PELI2: variants seen among roughly 807,000 people sequenced by gnomAD.
The protein encoded by PELI2 is pellino E3 ubiquitin protein ligase family member 2, also known as E3 ubiquitin-protein ligase pellino homolog 2.
A neutral mutation model predicts 42.3 loss-of-function variants in PELI2; 23 were observed. The ratio of observed to expected loss-of-function variants is 0.54; its 90% CI spans 0.39 to 0.77. The LOEUF (loss-of-function observed/expected upper bound fraction) is 0.77, where lower values mean the gene tolerates loss of function less well. Ranked by LOEUF, PELI2 falls within the 30% of genes least tolerant of loss-of-function variation. PELI2 has a pLI of 0.00. For missense variants in PELI2, 463 were observed against 553.2 expected, an observed-to-expected ratio of 0.84 and a Z score of 1.64; for synonymous variants, 245 against 212.2, an observed-to-expected ratio of 1.15 and a Z score of -1.34.
rs1220218098 is a variant in PELI2, at chr14:56,273,888, G to T, written c.208-5788G>T. On this transcript the variant is annotated intron_variant, in intron 2 of 5. Transcript: ENST00000267460. The surrounding 1 kb of genome is among the most constrained non-coding windows in gnomAD (Gnocchi z 4.3). ...TATTCCAGAGGTCTGGGGACAGGTA[G>T]TTCCACGTTTGATTCAGCATCTCAA... 6.6e-6 allele frequency among the ~76,000 whole-genome samples: 1 copy of T among 152,202 alleles called. No individual in the cohort carries two copies. The highest frequency in any genetic ancestry group is 6.5e-5 in the Admixed American group (1 of 15,274).
At chr14:56,230,451 T>C (rs1385938163) in intron 2 of PELI2, among the ~76,000 whole-genome samples, 2 of 152,204 alleles carry the variant, frequency 1.3e-5, no homozygotes, top group Non-Finnish European at 2.9e-5. Context: ...GTATTCAACA[T>C]TCTTAAAGAA....
chr14:56,207,200 C>G (rs192244716), intron 2 of PELI2, among the ~76,000 whole-genome samples: 46 of 152,202 alleles, frequency 3.0e-4, no homozygotes, highest in African/African-American at 1.1e-3. Flanking sequence ...ACATTGACCA[C>G]AAAGCTGGGA....
At chr14:56,241,687 G>A (rs533797629) in intron 2 of PELI2, among the ~76,000 whole-genome samples, 1 of 152,144 alleles carries the variant, frequency 6.6e-6, no homozygotes, top group Admixed American at 6.5e-5. Context: ...ATAAAGGGGA[G>A]ATAGTAAAAA....
At chr14:56,144,743 T>A (rs918678358) in intron 1 of PELI2, among the ~76,000 whole-genome samples, 6 of 152,230 alleles carry the variant, frequency 3.9e-5, no homozygotes, top group African/African-American at 7.2e-5. Flanking sequence ...ACATGATGAA[T>A]GTAAAATAGC....
intron 1 of PELI2, among the ~76,000 whole-genome samples, chr14:56,123,952 A>C (rs1232038854): frequency 6.6e-6 from 1 of 152,210 alleles, no homozygotes; most frequent in Non-Finnish European, 1.5e-5. Flanking sequence ...TTGAATGGAG[A>C]CAACAGCAAC....
At chr14:56,265,229 A>C (rs916491772) in intron 2 of PELI2, among the ~76,000 whole-genome samples, 12 of 152,150 alleles carry the variant, frequency 7.9e-5, no homozygotes, top group African/African-American at 2.7e-4. Flanking sequence ...CAGTGACTTC[A>C]AGACTTTATT....
chr14:56,229,968 G>A (rs1358551889), intron 2 of PELI2, among the ~76,000 whole-genome samples: 1 of 152,200 alleles, frequency 6.6e-6, no homozygotes, highest in Admixed American at 6.5e-5. Context: ...AGCTTCAGTA[G>A]CTGATTCAAT....
At chr14:56,199,919 G>T (rs566330103) in intron 2 of PELI2, among the ~76,000 whole-genome samples, 1 of 152,290 alleles carries the variant, frequency 6.6e-6, no homozygotes, top group South Asian at 2.1e-4. Context: ...TGTATCTGGG[G>T]TTTACCTTCA....
intron 2 of PELI2, among the ~76,000 whole-genome samples, chr14:56,231,641 T>C (rs1235607110): frequency 1.3e-5 from 2 of 151,912 alleles, no homozygotes; most frequent in Non-Finnish European, 2.9e-5. Context: ...CACTAAATGC[T>C]CACAAGAGAA....
At chr14:56,247,411 G>T (rs193094681) in intron 2 of PELI2, among the ~76,000 whole-genome samples, 107 of 152,306 alleles carry the variant, frequency 7.0e-4, no homozygotes, top group African/African-American at 2.0e-3. Flanking sequence ...GTTAGAAATA[G>T]TGGTGCAGGG....
chr14:56,271,548 C>T (rs1889105487), intron 2 of PELI2, among the ~76,000 whole-genome samples: 1 of 152,118 alleles, frequency 6.6e-6, no homozygotes, highest in African/African-American at 2.4e-5. Context: ...TATTAAATTA[C>T]CAATTAGATT....
intron 2 of PELI2, among the ~76,000 whole-genome samples, chr14:56,263,314 A>G (rs1355792979): frequency 2.0e-5 from 3 of 152,150 alleles, no homozygotes; most frequent in Admixed American, 6.6e-5. Context: ...CAGCCAATTG[A>G]CAAATACTGA....
intron 2 of PELI2, among the ~76,000 whole-genome samples, chr14:56,243,239 AT>A (rs1352044582): frequency 6.6e-6 from 1 of 152,200 alleles, no homozygotes; most frequent in African/African-American, 2.4e-5. Context: ...CCCCCTTGAT[AT>A]AAGATGCAGA....
chr14:56,294,549 G>T (rs549710012), intron 5 of PELI2, among the ~76,000 whole-genome samples: 1 of 152,264 alleles, frequency 6.6e-6, no homozygotes, highest in African/African-American at 2.4e-5. Flanking sequence ...AAAATTTCTG[G>T]TGCTTCCCAT....
Position 56,187,833 on chromosome 14 carries a change from C to G in PELI2, c.207+9369C>G, listed in dbSNP as rs187765630. 5.8e-3 allele frequency among the ~76,000 whole-genome samples: 885 copies of G among 152,282 alleles called. 4 individuals are homozygous for G. The highest frequency in any genetic ancestry group is 0.017 in the Middle Eastern group (5 of 294). On this transcript the variant is annotated intron_variant, in intron 2 of 5. Coordinates refer to ENST00000267460, the MANE Select transcript of PELI2 (RefSeq NM_021255.3). Reference sequence around the variant, plus strand: ...GGAGGGCAGCCTAGGTTTGGGAGCTCTCAGATAGGCAGCTCCCTTCTGGTT... The same window carrying G: ...GGAGGGCAGCCTAGGTTTGGGAGCTGTCAGATAGGCAGCTCCCTTCTGGTT...
rs79490773 is a variant in PELI2, at chr14:56,205,205, C to A, written c.207+26741C>A. Among the ~76,000 whole-genome samples the A allele has an allele frequency of 3.3e-5, 5 of 151,868 alleles. No individual in the cohort carries two copies. The East Asian group carries it at 9.7e-4, about 29-fold the overall frequency. On this transcript the variant is annotated intron_variant, in intron 2 of 5. Coordinates refer to ENST00000267460, the MANE Select transcript of PELI2 (RefSeq NM_021255.3). Reference sequence around the variant, plus strand: ...AGAACATGGAGCGCTGGAGAAGTTACGGGTACATGCTACCGTGAGTGGACT... The same window carrying A: ...AGAACATGGAGCGCTGGAGAAGTTAAGGGTACATGCTACCGTGAGTGGACT...
At chr14:56,291,480 G>T (rs1889828283) in intron 5 of PELI2, among the ~76,000 whole-genome samples, 1 of 152,046 alleles carries the variant, frequency 6.6e-6, no homozygotes, top group South Asian at 2.1e-4. Context: ...GCGTCTTACA[G>T]TGCACCATGG....
At chr14:56,144,789 G>A (rs909909368) in intron 1 of PELI2, among the ~76,000 whole-genome samples, 14 of 152,148 alleles carry the variant, frequency 9.2e-5, no homozygotes, top group Non-Finnish European at 1.9e-4. Context: ...TTTTATTTAT[G>A]ATCTTGTTGG....
chr14:56,124,394 C>CA lies in PELI2; in HGVS notation c.77+5658dup, dbSNP rs748666947. ...GGGAGAGAAAGGGGTGGAGTTACATCAGGCAAGCCAGGAATGTATGCATTC... is the reference window on the plus strand; with the variant it reads ...GGGAGAGAAAGGGGTGGAGTTACATCAAGGCAAGCCAGGAATGTATGCATTC... On this transcript the variant is annotated intron_variant, in intron 1 of 5. Transcript: ENST00000267460. Among the ~76,000 whole-genome samples, 10 of 152,318 alleles carry CA rather than the reference C, an allele frequency of 6.6e-5. No homozygotes were observed. In the East Asian group the frequency reaches 1.7e-3, roughly 26 times the overall value.
Sources: allele counts gnomAD v4.1 joint callset (sites outside exome capture counted in the v4.1 genomes callset), GRCh38; gene constraint gnomAD v4.1.1; non-coding constraint Gnocchi (gnomAD v3.1); transcripts MANE v1.5; gene names NCBI Gene and HGNC (gene_info 2026-07-23, HGNC 2026-07-21).